GNPTG: variants seen among roughly 807,000 people sequenced by gnomAD.
GNPTG encodes the protein N-acetylglucosamine-1-phosphotransferase subunit gamma.
Under a neutral mutation model 43.8 loss-of-function variants are expected in GNPTG, and 46 were observed. That is an observed-to-expected ratio of 1.05 (90% confidence interval 0.83 to 1.34). The LOEUF is 1.34. Among genes scored for constraint, GNPTG ranks in the 40% most tolerant of loss-of-function variants. The pLI is 0.00. For synonymous variants in GNPTG, 250 were observed against 172.8 expected, an observed-to-expected ratio of 1.45 and a Z score of -3.50; for missense variants, 549 against 411.3, an observed-to-expected ratio of 1.33 and a Z score of -2.90.
At chr16:1,352,212 C>T (rs746148448) in intron 2 of GNPTG, 27 bp from the exon 3 acceptor site, 110 of 1,550,946 alleles carry the variant, frequency 7.1e-5, no homozygotes, top group Non-Finnish European at 9.1e-5. Context: ...CGGGCCCGTT[C>T]CCCGCTGACC....
chr16:1,354,594 A>AAAAAAAAAAAAAAAAC (rs2034740485), intron 3 of GNPTG, among the ~76,000 whole-genome samples: 1 of 149,818 alleles, frequency 6.7e-6, no homozygotes, highest in Non-Finnish European at 1.5e-5. Flanking sequence ...TCAAAAAAAA[A>AAAAAAAAAAAAAAAAC]AAAAAAAAAA....
At chr16:1,360,611 G>A (rs1483054391) in intron 3 of GNPTG, 1 of 152,250 alleles carries the variant, frequency 6.6e-6, no homozygotes, top group African/African-American at 2.4e-5. Context: ...GTGACAGAGT[G>A]AGACTGTCTC....
intron 3 of GNPTG, 96 bp from the exon 4 acceptor site, chr16:1,361,643 CAAAA>C: frequency 7.8e-7 from 1 of 1,277,390 alleles, no homozygotes; most frequent in African/African-American, 1.5e-5. Flanking sequence ...GACTCCATCT[CAAAA>C]AAAAAGAAAA....
chr16:1,362,298 C>G lies in GNPTG; in HGVS notation c.504C>G (p.Val168=), dbSNP rs1727079911. 1 of 1,613,270 alleles carries G rather than the reference C, an allele frequency of 6.2e-7. No individual in the cohort carries two copies. Among genetic ancestry groups the G allele is most frequent in the Admixed American group, 1.7e-5 (1 of 60,030 alleles). The change falls in exon 7 of 11, where the codon GTC becomes GTG. Residue 168 remains valine (V), a synonymous_variant. Coordinates refer to ENST00000204679, the MANE Select transcript of GNPTG (RefSeq NM_032520.5). ...VYALTFETPL[V]CHPHALLVYP... The stretch of plus-strand genomic sequence containing the variant: ...CGCTGACGTTCGAGACCCCCCTCGT[C>G]TGCCACCCCCACGCCTTGCTAGGTA...
chr16:1,357,232 CCT>C (rs1384539990), intron 3 of GNPTG, among the ~76,000 whole-genome samples: 4 of 152,160 alleles, frequency 2.6e-5, no homozygotes, highest in African/African-American at 7.2e-5. Context: ...ATCCACAGCC[CCT>C]GTCCCCTGAG....
chr16:1,362,885 A>C lies in GNPTG; in HGVS notation c.802A>C (p.Ile268Leu), dbSNP rs759796840. The C allele has an allele frequency of 1.9e-6, 3 of 1,613,580 alleles. No individual in the cohort carries two copies. In the South Asian group the frequency reaches 3.3e-5, roughly 18 times the overall value. The change falls in exon 10 of 11, where the codon ATC becomes CTC. Residue 268 changes from isoleucine (I) to leucine (L), a missense_variant. Transcript: ENST00000204679. ...GAAAGGTTTGCTCACCCAGCACGGC[A>C]TCCCCTACACGAGGCCCACAGGTGA... ...RLKGLLTQHG[I>L]PYTRPTETSN...
chr16:1,360,931 CTCT>C (rs1466999499), intron 3 of GNPTG: 1 of 152,514 alleles, frequency 6.6e-6, no homozygotes, highest in African/African-American at 2.4e-5. Context: ...TGGGAATGTC[CTCT>C]TTTTTGGGGG....
Position 1,364,085 on chromosome 16 carries a change from T to C in GNPTG, c.*994T>C, listed in dbSNP as rs1398924277. On this transcript the variant is annotated 3_prime_UTR_variant, in exon 11 of 11. Coordinates refer to ENST00000204679, the MANE Select transcript of GNPTG (RefSeq NM_032520.5). ...TCCAAATGGGAACCAAGTGCATAAATACAAATAAAAACAGAGTTTACACAT... is the reference window on the plus strand; with the variant it reads ...TCCAAATGGGAACCAAGTGCATAAACACAAATAAAAACAGAGTTTACACAT... 1 of 152,090 alleles carries C rather than the reference T, an allele frequency of 6.6e-6. No individual in the cohort carries two copies. The highest frequency in any genetic ancestry group is 1.5e-5 in the Non-Finnish European group (1 of 68,028). The allele number at this position is 152,090 out of a possible 1,614,324, so 9.4% of individuals were successfully genotyped here. A position where few individuals can be genotyped will look rare whatever the true frequency, so the allele number is the denominator to read the frequency against.
intron 3 of GNPTG, chr16:1,357,974 C>T (rs1338539471): frequency 6.6e-6 from 1 of 152,294 alleles, no homozygotes; most frequent in Non-Finnish European, 1.5e-5. Context: ...CCCAGCCTTC[C>T]CCACAGTCCT....
At position 1,352,117 on chromosome 16, in the gene GNPTG, G is replaced by A; in HGVS notation, c.68G>A (p.Gly23Asp). The A allele has an allele frequency of 1.3e-6, 2 of 1,580,310 alleles. No individual in the cohort carries two copies. The highest frequency in any genetic ancestry group is 1.7e-6 in the Non-Finnish European group (2 of 1,164,910). The change falls in exon 2 of 11, where the codon GGT becomes GAT. Residue 23 changes from glycine (G) to aspartate (D), a missense_variant. Physicochemically the swap from Gly to Asp is moderately conservative, Grantham distance 94 (BLOSUM62 -1). Coordinates refer to ENST00000204679, the MANE Select transcript of GNPTG (RefSeq NM_032520.5). ...CTCCCCGTAGGGCCCGCGCCGGCAG[G>A]TGCAGCGAAGATGAAGGTGGTGGAG... The part of the protein sequence containing the change: ...GLSAGGPAPA[G>D]AAKMKVVEEP...
chr16:1,352,335 G>A, intron 3 of GNPTG, 29 bp downstream of exon 3: 2 of 1,547,054 alleles, frequency 1.3e-6, no homozygotes, highest in African/African-American at 1.4e-5. Flanking sequence ...TGGCCGGCGC[G>A]GGGGTGGCCG....
At chr16:1,352,441 G>A in intron 3 of GNPTG, 135 bp downstream of exon 3, 1 of 873,432 alleles carries the variant, frequency 1.1e-6, no homozygotes, top group Non-Finnish European at 1.9e-6. Flanking sequence ...AATTAATGTG[G>A]AAGTACGAGA....
In GNPTG at chr16:1,363,388, C is replaced by T. The variant is rs2034987506; in HGVS notation, c.*297C>T. ...AAGAAAATTCCATTCAAATAACATT[C>T]TCATGTAAATACTCAAACATACAGA... On this transcript the variant is annotated 3_prime_UTR_variant, in exon 11 of 11. Coordinates refer to ENST00000204679, the MANE Select transcript of GNPTG (RefSeq NM_032520.5). The T allele has an allele frequency of 7.3e-6, 3 of 410,450 alleles. No individual in the cohort carries two copies. The highest frequency in any genetic ancestry group is 6.5e-5 in the South Asian group (3 of 46,280). 25.4% of individuals were successfully genotyped at this position (410,450 alleles called of 1,614,324 possible).
intron 3 of GNPTG, chr16:1,361,460 C>A (rs1043726417): frequency 2.3e-5 from 9 of 391,252 alleles, no homozygotes; most frequent in South Asian, 1.3e-4. Context: ...CTGGCTAACG[C>A]GGTGAAACCC....
At position 1,362,556 on chromosome 16, in the gene GNPTG, C is replaced by A. The variant is rs368698403; in HGVS notation, c.609+22C>A. The A allele has an allele frequency of 7.4e-6, 12 of 1,614,168 alleles. No homozygotes were observed. In the African/African-American group the frequency reaches 1.5e-4, roughly 20 times the overall value. ...CCAGGTAAGCGTGCGCTCGGGGTGG[C>A]CCCTGGTGGGCCTGGCTGGGAGCTG... On this transcript the variant is annotated intron_variant, in intron 8 of 10. Coordinates refer to ENST00000204679, the MANE Select transcript of GNPTG (RefSeq NM_032520.5).
Position 1,362,985 on chromosome 16 carries a change from G to A in GNPTG, c.824-12G>A, listed in dbSNP as rs753081298. On this transcript the variant is annotated splice_polypyrimidine_tract_variant and intron_variant, in intron 10 of 10. Transcript: ENST00000204679. Reference sequence around the variant, plus strand: ...GGTCCAGGTGAGGACTGGCCACCTGGTGTTTTGGCAGAAACTTCCAACTTG... The same window carrying A: ...GGTCCAGGTGAGGACTGGCCACCTGATGTTTTGGCAGAAACTTCCAACTTG... The A allele has an allele frequency of 1.9e-6, 3 of 1,614,008 alleles. No homozygotes were observed. The highest frequency in any genetic ancestry group is 1.3e-5 in the African/African-American group (1 of 74,918).
At chr16:1,355,138 C>T (rs564285914) in intron 3 of GNPTG, among the ~76,000 whole-genome samples, 57 of 151,030 alleles carry the variant, frequency 3.8e-4, no homozygotes, top group Non-Finnish European at 6.6e-4. Context: ...TCTGCGGGGT[C>T]GGGTGTGGAT....
chr16:1,352,695 G>A (rs1486291812), intron 3 of GNPTG, among the ~76,000 whole-genome samples: 1 of 152,060 alleles, frequency 6.6e-6, no homozygotes, highest in Non-Finnish European at 1.5e-5. Context: ...CTCTCGGGAC[G>A]CTTCATGGTG....
intron 3 of GNPTG, among the ~76,000 whole-genome samples, chr16:1,354,596 A>AC (rs1451575320): frequency 6.7e-6 from 1 of 150,070 alleles, no homozygotes; most frequent in Non-Finnish European, 1.5e-5. Context: ...AAAAAAAAAA[A>AC]AAAAAAAAAA....
Sources: gnomAD v4.1 joint callset for allele counts (sites outside exome capture counted in the v4.1 genomes callset) on GRCh38, gnomAD v4.1.1 for gene constraint, MANE v1.5 for transcripts, NCBI Gene and HGNC (gene_info 2026-07-23, HGNC 2026-07-21) for gene names.